UGT1A8: variants seen among roughly 807,000 people sequenced by gnomAD.
The protein encoded by UGT1A8 is UDP glucuronosyltransferase family 1 member A8, also known as UDP-glucuronosyltransferase 1A8.
Under a neutral mutation model 45.3 loss-of-function variants are expected in UGT1A8, and 39 were observed. The ratio of observed to expected loss-of-function variants is 0.86; its 90% CI spans 0.67 to 1.12. The LOEUF is 1.12. Among genes scored for constraint, UGT1A8 ranks in the 50% most tolerant of loss-of-function variants. The pLI is 0.00. For missense variants in UGT1A8, 719 were observed against 664.9 expected, an observed-to-expected ratio of 1.08 and a Z score of -0.90; for synonymous variants, 275 against 249.2, an observed-to-expected ratio of 1.10 and a Z score of -0.97.
At chr2:233,676,984 A>G (rs1298626096) in intron 1 of UGT1A8, among the ~76,000 whole-genome samples, 3 of 152,038 alleles carry the variant, frequency 2.0e-5, no homozygotes, top group African/African-American at 7.2e-5. Context: ...TAAATGAGGT[A>G]GTGTTACCTC....
At chr2:233,642,009 T>C (rs1262346779) in intron 1 of UGT1A8, among the ~76,000 whole-genome samples, 3 of 152,208 alleles carry the variant, frequency 2.0e-5, no homozygotes, top group Non-Finnish European at 4.4e-5. Flanking sequence ...ATGTGCTTGG[T>C]GTTCTCTAGC....
chr2:233,749,861 C>T (rs1160641293), intron 1 of UGT1A8, among the ~76,000 whole-genome samples: 2 of 151,980 alleles, frequency 1.3e-5, no homozygotes, highest in Non-Finnish European at 2.9e-5. Context: ...CTCTCACTTT[C>T]TGCCAGGATT....
At chr2:233,689,293 C>T (rs1488483516) in intron 1 of UGT1A8, among the ~76,000 whole-genome samples, 5 of 151,458 alleles carry the variant, frequency 3.3e-5, no homozygotes, top group South Asian at 2.1e-4. Flanking sequence ...GGGGTTCACT[C>T]ACCCAGCACA....
chr2:233,686,346 G>A (rs1485949049), intron 1 of UGT1A8, among the ~76,000 whole-genome samples: 1 of 151,914 alleles, frequency 6.6e-6, no homozygotes, highest in Non-Finnish European at 1.5e-5. Context: ...AAAAGCTTTT[G>A]TATATCAAAG....
chr2:233,746,976 G>A (rs118160610), intron 1 of UGT1A8, among the ~76,000 whole-genome samples: 2 of 151,898 alleles, frequency 1.3e-5, no homozygotes, highest in South Asian at 2.1e-4. Flanking sequence ...TCCCCAGAGC[G>A]AGCGCAGGGT....
chr2:233,682,441 C>T (rs1271103616), intron 1 of UGT1A8: 7 of 1,613,824 alleles, frequency 4.3e-6, no homozygotes, highest in Non-Finnish European at 1.7e-6. Flanking sequence ...CTGTGGTCTT[C>T]GCCAGGGGAA....
At chr2:233,629,635 A>G (rs1428389285) in intron 1 of UGT1A8, among the ~76,000 whole-genome samples, 1 of 152,136 alleles carries the variant, frequency 6.6e-6, no homozygotes, top group East Asian at 1.9e-4. Context: ...TGCTGGTCTC[A>G]TAAAATGAAT....
chr2:233,666,355 C>A (rs2074075564), intron 1 of UGT1A8, among the ~76,000 whole-genome samples: 1 of 152,292 alleles, frequency 6.6e-6, no homozygotes, highest in South Asian at 2.1e-4. Context: ...TCAGCTATAT[C>A]ATTTGATATG....
At chr2:233,734,165 TG>T (rs2078494496) in intron 1 of UGT1A8, among the ~76,000 whole-genome samples, 1 of 152,186 alleles carries the variant, frequency 6.6e-6, no homozygotes, top group African/African-American at 2.4e-5. Context: ...GGACTTTTTT[TG>T]GTTGGTAGGC....
At chr2:233,724,768 A>G (rs1231728471) in intron 1 of UGT1A8, among the ~76,000 whole-genome samples, 1 of 142,484 alleles carries the variant, frequency 7.0e-6, no homozygotes, top group Non-Finnish European at 1.5e-5. Context: ...GCGGCCAGGC[A>G]GAGACACTCC....
At chr2:233,635,493 A>G (rs1428700696) in intron 1 of UGT1A8, among the ~76,000 whole-genome samples, 1 of 150,914 alleles carries the variant, frequency 6.6e-6, no homozygotes, top group Non-Finnish European at 1.5e-5. Context: ...ATCACTCACA[A>G]TTGGGAGGGC....
chr2:233,735,046 T>C (rs895113176), intron 1 of UGT1A8, among the ~76,000 whole-genome samples: 2 of 152,242 alleles, frequency 1.3e-5, no homozygotes, highest in African/African-American at 4.8e-5. Flanking sequence ...GGTGCAGAGC[T>C]GAGTTCAGGT....
At chr2:233,718,718 T>C in intron 1 of UGT1A8, 1 of 1,609,208 alleles carries the variant, frequency 6.2e-7, no homozygotes, top group Non-Finnish European at 8.5e-7. Flanking sequence ...AATTACATGC[T>C]GATTTGCTAG....
rs1180011423 is a variant in UGT1A8 at position 233,630,811 on chromosome 2, CT to C, written c.855+12261del. Among the ~76,000 whole-genome samples, 147 of 137,926 alleles carry C rather than the reference CT, an allele frequency of 1.1e-3. 1 individual carries two copies. In the Middle Eastern group the frequency reaches 0.035, roughly 32 times the overall value. The allele number at this position is 137,926 out of a possible 152,430, so 90.5% of individuals were successfully genotyped here. On this transcript the variant is annotated intron_variant, in intron 1 of 4. Coordinates refer to ENST00000373450, the MANE Select transcript of UGT1A8 (RefSeq NM_019076.5). ...TAAACATATGCCATGGTAGCACATACTTTTTTTTTTTTCCTGCTCTAAAACT... is the reference window on the plus strand; with the variant it reads ...TAAACATATGCCATGGTAGCACATACTTTTTTTTTTTCCTGCTCTAAAACT...
intron 1 of UGT1A8, among the ~76,000 whole-genome samples, chr2:233,727,709 G>A (rs1490010404): frequency 6.6e-6 from 1 of 152,172 alleles, no homozygotes; most frequent in Non-Finnish European, 1.5e-5. Context: ...AGTTCCCAAA[G>A]CCCTTGCAGA....
intron 1 of UGT1A8, among the ~76,000 whole-genome samples, chr2:233,759,713 T>TGGTG (rs1157954887): frequency 2.6e-5 from 4 of 151,594 alleles, no homozygotes; most frequent in African/African-American, 9.7e-5. Flanking sequence ...CGTGCTCGTG[T>TGGTG]GGTGGGCTCT....
At chr2:233,732,540 C>T (rs929935072) in intron 1 of UGT1A8, among the ~76,000 whole-genome samples, 1 of 152,202 alleles carries the variant, frequency 6.6e-6, no homozygotes, top group Non-Finnish European at 1.5e-5. Context: ...CCAGTTTTCC[C>T]AGCACCATTT....
At position 233,648,594 on chromosome 2, in the gene UGT1A8, G is replaced by A. The variant is rs557586465; in HGVS notation, c.855+30032G>A. ...CTCTGCCTCAGCCTCCCAAGTAGCT[G>A]GGACTACAGGTGCCTGCCACCACGC... On this transcript the variant is annotated intron_variant, in intron 1 of 4. Transcript: ENST00000373450. 8.6e-5 allele frequency among the ~76,000 whole-genome samples: 13 copies of A among 150,988 alleles called. No homozygotes were observed. In the East Asian group the frequency reaches 2.2e-3, roughly 25 times the overall value.
intron 1 of UGT1A8, among the ~76,000 whole-genome samples, chr2:233,726,781 C>T (rs2077561250): frequency 6.6e-6 from 1 of 152,176 alleles, no homozygotes; most frequent in Non-Finnish European, 1.5e-5. Context: ...TAAAGTGAAA[C>T]CCACATCTTA....
Sources: allele counts gnomAD v4.1 joint callset (sites outside exome capture counted in the v4.1 genomes callset), GRCh38; gene constraint gnomAD v4.1.1; transcripts MANE v1.5; gene names NCBI Gene and HGNC (gene_info 2026-07-23, HGNC 2026-07-21).